Variants in POT1 observed in about 807,000 individuals in gnomAD.
The protein encoded by POT1 is protection of telomeres protein 1.
In POT1, 47 loss-of-function variants were observed where a neutral mutation model predicts 78.5. The ratio of observed to expected loss-of-function variants is 0.60; its 90% CI spans 0.47 to 0.76. The LOEUF (loss-of-function observed/expected upper bound fraction) is 0.76. Among genes scored for constraint, POT1 ranks in the 30% least tolerant of loss-of-function variants. The probability of loss-of-function intolerance (pLI) is 0.00; values close to 1 mark genes in which losing one functional copy is unlikely to be tolerated. For missense variants in POT1, 646 were observed against 749.9 expected (o/e 0.86, Z 1.62); for synonymous variants, 259 against 260.7 (o/e 0.99, Z 0.06).
chr7:124,861,673 T>C (rs1795601647), intron 8 of POT1, among the ~76,000 whole-genome samples: 1 of 152,240 alleles, frequency 6.6e-6, no homozygotes, highest in Non-Finnish European at 1.5e-5. Context: ...CATAAAGTCT[T>C]TGCCCATGCC....
At chr7:124,851,212 G>A (rs1795299140) in intron 11 of POT1, among the ~76,000 whole-genome samples, 1 of 152,084 alleles carries the variant, frequency 6.6e-6, no homozygotes, top group African/African-American at 2.4e-5. Context: ...GAGGAGGGAG[G>A]ATATCACTTG....
chr7:124,915,187 C>T (rs961812379), intron 3 of POT1, among the ~76,000 whole-genome samples: 1 of 152,130 alleles, frequency 6.6e-6, no homozygotes, highest in African/African-American at 2.4e-5. Flanking sequence ...ATTTGCTGCT[C>T]CAGACTGTTC....
intron 2 of POT1, among the ~76,000 whole-genome samples, 199 bp downstream of exon 2, chr7:124,928,616 C>T (rs1167988781): frequency 6.6e-6 from 1 of 152,196 alleles, no homozygotes; most frequent in East Asian, 1.9e-4. Context: ...CAGAAACTTA[C>T]TCCAATGTTT....
In POT1 at chr7:124,900,114, A is replaced by G. The variant is rs187181381; in HGVS notation, c.-153-1740T>C. On this transcript the variant is annotated intron_variant, in intron 3 of 18. Coordinates refer to ENST00000357628, the MANE Select transcript of POT1 (RefSeq NM_015450.3). ...TTATTATATTCATAAACATGGATTT[A>G]TATTTGAATATACATATAAAAACTG... Among the ~76,000 whole-genome samples, 5 of 152,308 alleles carry G rather than the reference A, an allele frequency of 3.3e-5. No homozygotes were observed. In the South Asian group the frequency reaches 8.3e-4, roughly 25 times the overall value.
chr7:124,915,860 A>T (rs748355770), intron 2 of POT1, among the ~76,000 whole-genome samples: 14 of 152,158 alleles, frequency 9.2e-5, no homozygotes, highest in Admixed American at 3.9e-4. Context: ...TTATAATATA[A>T]TTTCCTAAGT....
intron 6 of POT1, among the ~76,000 whole-genome samples, chr7:124,891,286 G>C (rs1208663557): frequency 6.6e-6 from 1 of 151,680 alleles, no homozygotes; most frequent in Non-Finnish European, 1.5e-5. Flanking sequence ...TGTTGTGACA[G>C]TTTTTGACTT....
chr7:124,854,244 CAT>C (rs1157977672), intron 9 of POT1, among the ~76,000 whole-genome samples: 1 of 151,910 alleles, frequency 6.6e-6, no homozygotes, highest in African/African-American at 2.4e-5. Context: ...TTATGTTTCA[CAT>C]ATATGTTATA....
At position 124,823,132 on chromosome 7, in the gene POT1, T is replaced by TA. The variant is rs1794544976; in HGVS notation, c.*829dup. Reference sequence around the variant, plus strand: ...TTGCTGTGAGGATCAAATACATGTTTAGTGCTTAGCACAGTACCTGGGATG... The same window carrying TA: ...TTGCTGTGAGGATCAAATACATGTTTAAGTGCTTAGCACAGTACCTGGGATG... On this transcript the variant is annotated 3_prime_UTR_variant, in exon 19 of 19. Coordinates refer to ENST00000357628, the MANE Select transcript of POT1 (RefSeq NM_015450.3). The TA allele has an allele frequency of 6.5e-6, 1 of 153,276 alleles. No individual in the cohort carries two copies. The highest frequency in any genetic ancestry group is 1.5e-5 in the Non-Finnish European group (1 of 68,724). 9.5% of individuals were successfully genotyped at this position (153,276 alleles called of 1,614,324 possible). A position where few individuals can be genotyped will look rare whatever the true frequency, so the allele number is the denominator to read the frequency against.
intron 6 of POT1, among the ~76,000 whole-genome samples, chr7:124,883,001 A>T (rs1456341262): frequency 6.6e-6 from 1 of 152,078 alleles, no homozygotes; most frequent in Non-Finnish European, 1.5e-5. Flanking sequence ...AGTATAAGTA[A>T]GCTGAAGAGG....
At chr7:124,865,954 C>T (rs1431634224) in intron 7 of POT1, among the ~76,000 whole-genome samples, 1 of 151,988 alleles carries the variant, frequency 6.6e-6, no homozygotes, top group Non-Finnish European at 1.5e-5. Context: ...AAGGGTAACA[C>T]TTTGTTGTTT....
chr7:124,842,835 T>A lies in POT1; in HGVS notation c.1135A>T (p.Lys379Ter). 3 of 1,600,394 alleles carry A rather than the reference T, an allele frequency of 1.9e-6. No individual in the cohort carries two copies. Among genetic ancestry groups the A allele is most frequent in the African/African-American group, 1.3e-5 (1 of 74,134 alleles). The change falls in exon 13 of 19, where the codon AAA becomes TAA. Residue 379 changes from lysine to a stop codon, truncating the protein, a stop_gained. Coordinates refer to ENST00000357628, the MANE Select transcript of POT1 (RefSeq NM_015450.3). LOFTEE classifies it high-confidence loss of function. ...YKPRRLFQSV[K>*]LHCPKCHLLQ... ...AAATGACATTTAGGGCAATGAAGTT[T>A]AACAGACTGAAATAGTCTTCTGGGC...
chr7:124,868,791 A>C (rs1795794261), intron 7 of POT1, among the ~76,000 whole-genome samples: 1 of 150,450 alleles, frequency 6.6e-6, no homozygotes, highest in Non-Finnish European at 1.5e-5. Flanking sequence ...ATTATATTCA[A>C]TAATAATTCA....
At chr7:124,911,806 C>A (rs1796895283) in intron 3 of POT1, among the ~76,000 whole-genome samples, 1 of 152,112 alleles carries the variant, frequency 6.6e-6, no homozygotes, top group Admixed American at 6.6e-5. Context: ...TAACAGCTTG[C>A]TTGAAATGGA....
intron 3 of POT1, among the ~76,000 whole-genome samples, chr7:124,909,439 A>G (rs1563018027): frequency 1.3e-5 from 2 of 151,936 alleles, no homozygotes; most frequent in Non-Finnish European, 2.9e-5. Context: ...CAAATTGGAG[A>G]AAACTCATTC....
intron 2 of POT1, among the ~76,000 whole-genome samples, chr7:124,921,984 C>T (rs1797161920): frequency 1.3e-5 from 2 of 151,916 alleles, no homozygotes; most frequent in Non-Finnish European, 2.9e-5. Flanking sequence ...AAAAAGCTTA[C>T]TTAAGCACAT....
chr7:124,907,003 G>T (rs973213672), intron 3 of POT1, among the ~76,000 whole-genome samples: 1 of 152,148 alleles, frequency 6.6e-6, no homozygotes. Context: ...AACAAGAATT[G>T]GAATTACCTA....
chr7:124,889,650 G>C (rs1563006998), intron 6 of POT1, among the ~76,000 whole-genome samples: 2 of 151,732 alleles, frequency 1.3e-5, no homozygotes, highest in South Asian at 4.2e-4. Flanking sequence ...ATGACTTTCA[G>C]TTGAAGCCAA....
intron 7 of POT1, among the ~76,000 whole-genome samples, chr7:124,867,220 G>C (rs971636855): frequency 2.6e-5 from 4 of 152,120 alleles, no homozygotes; most frequent in Non-Finnish European, 5.9e-5. Flanking sequence ...CTCATTTCAT[G>C]TCTGTAAAAC....
At chr7:124,923,751 TA>T (rs941364245) in intron 2 of POT1, among the ~76,000 whole-genome samples, 320 of 142,702 alleles carry the variant, frequency 2.2e-3, no homozygotes, top group Admixed American at 2.8e-3. Context: ...AAGTCAAAGT[TA>T]AAAAAAAAAA....
Sources: gnomAD v4.1 joint callset for allele counts (sites outside exome capture counted in the v4.1 genomes callset) on GRCh38, gnomAD v4.1.1 for gene constraint, MANE v1.5 for transcripts, NCBI Gene and HGNC (gene_info 2026-07-23, HGNC 2026-07-21) for gene names.